RFPL2: variants seen among roughly 807,000 people sequenced by gnomAD.
RFPL2 encodes the protein ret finger protein-like 2.
In RFPL2, 13 loss-of-function variants were observed where a neutral mutation model predicts 17.8. The ratio of observed to expected loss-of-function variants is 0.73; its 90% CI spans 0.47 to 1.16. The LOEUF is 1.16. Ranked by LOEUF, RFPL2 falls within the 50% of genes most tolerant of loss-of-function variation. RFPL2 has a pLI of 0.00. For missense variants in RFPL2, 431 were observed against 479.3 expected (o/e 0.90, Z 0.94); for synonymous variants, 189 against 180.9 (o/e 1.04, Z -0.36).
intron 2 of RFPL2, among the ~76,000 whole-genome samples, chr22:32,198,493 G>A: frequency 6.6e-6 from 1 of 151,944 alleles, no homozygotes; most frequent in South Asian, 2.1e-4. Flanking sequence ...TGGGGAGGGG[G>A]GCGTAGGGGG....
In RFPL2 at chr22:32,194,363, C is replaced by T. The variant is rs191555811; in HGVS notation, c.247G>A (p.Gly83Arg). ...SAQWKQLEDR[G>R]ASSRRVDMAA... ...GGCTCACCTCTTCTGCTGGAAGCTC[C>T]TCTGTCCTCCAGCTGCTTCCACTGG... The change falls in exon 3 of 5, where the codon GGA becomes AGA. Residue 83 changes from glycine to arginine, a missense_variant. By Grantham distance (125) the Gly-to-Arg change is moderately radical. Transcript: ENST00000652607. 1.1e-5 allele frequency: 17 copies of T among 1,603,742 alleles called. No individual in the cohort carries two copies. The highest frequency in any genetic ancestry group is 3.4e-4 in the Middle Eastern group (2 of 5,906).
At chr22:32,193,900 C>T (rs921267953) in intron 3 of RFPL2, among the ~76,000 whole-genome samples, 17 of 146,838 alleles carry the variant, frequency 1.2e-4, no homozygotes, top group African/African-American at 4.3e-4. Flanking sequence ...GGGCTGGATG[C>T]AGTAGCTCAC....
intron 4 of RFPL2, 60 bp downstream of exon 4, chr22:32,192,842 G>A (rs1922827321): frequency 1.9e-6 from 3 of 1,540,798 alleles, no homozygotes; most frequent in East Asian, 2.3e-5. Context: ...GGGGCCAACT[G>A]CACAAATGAT....
At chr22:32,197,851 C>G (rs144802938) in intron 2 of RFPL2, among the ~76,000 whole-genome samples, 1 of 152,094 alleles carries the variant, frequency 6.6e-6, no homozygotes, top group African/African-American at 2.4e-5. Flanking sequence ...GATCACACTC[C>G]GGCTGCTACT....
intron 2 of RFPL2, among the ~76,000 whole-genome samples, chr22:32,195,327 T>G (rs904747827): frequency 3.7e-4 from 56 of 152,356 alleles, no homozygotes; most frequent in African/African-American, 1.3e-3. Flanking sequence ...TGGTTTACTT[T>G]TTTTTCCTCT....
At chr22:32,199,143 C>T (rs1275724710) in intron 2 of RFPL2, among the ~76,000 whole-genome samples, 1 of 152,136 alleles carries the variant, frequency 6.6e-6, no homozygotes, top group Non-Finnish European at 1.5e-5. Flanking sequence ...TCCAGGTTTC[C>T]GTGGGCTCCC....
intron 4 of RFPL2, among the ~76,000 whole-genome samples, chr22:32,192,227 A>G (rs1922737810): frequency 6.6e-6 from 1 of 152,214 alleles, no homozygotes; most frequent in Admixed American, 6.5e-5. Context: ...GCCCACCACC[A>G]TTTATAGGTG....
chr22:32,195,599 G>A (rs368492899), intron 2 of RFPL2, among the ~76,000 whole-genome samples: 75 of 152,016 alleles, frequency 4.9e-4, no homozygotes, highest in Middle Eastern at 3.4e-3. Flanking sequence ...GGGATTACAG[G>A]CATGTGCCAC....
Position 32,202,415 on chromosome 22 carries a change from C to G in RFPL2, c.37G>C (p.Val13Leu). The G allele has an allele frequency of 1.2e-6, 2 of 1,602,586 alleles. No homozygotes were observed. Among genetic ancestry groups the G allele is most frequent in the Non-Finnish European group, 1.7e-6 (2 of 1,174,646 alleles). Reference protein sequence around the residue: ...VAELGFPETAVSQSRICLCAV... With the variant: ...VAELGFPETALSQSRICLCAV... ...CATAGACAGATCCTGGATTGGGACA[C>G]TGCAGTCTCTGGGAAGCCTAATTCA... is the stretch of plus-strand genomic sequence containing the variant. Residue 13 changes from valine to leucine, a missense_variant, in exon 2 of 5, where the codon GTG becomes CTG. Transcript: ENST00000652607.
chr22:32,191,070 C>T lies in RFPL2; in HGVS notation c.839G>A (p.Ser280Asn). The T allele has an allele frequency of 6.2e-7, 1 of 1,613,976 alleles. No homozygotes were observed. Among genetic ancestry groups the T allele is most frequent in the Non-Finnish European group, 8.5e-7 (1 of 1,179,862 alleles). The change falls in exon 5 of 5, where the codon AGT becomes AAT. Residue 280 changes from serine to asparagine, a missense_variant. Transcript: ENST00000652607. ...AGAGAGGCGGCCTCCATCCCTCAAA[C>T]TCACAGTCCAGAATCCAAGCTCTGT... ...LTTELGFWTV[S>N]LRDGGRLSAT...
chr22:32,202,617 G>A (rs1453575461), intron 1 of RFPL2, 67 bp from the exon 2 acceptor site: 1 of 1,424,160 alleles, frequency 7.0e-7, no homozygotes. Flanking sequence ...GGTGGCAGGG[G>A]CCGGTTTCAG....
intron 2 of RFPL2, among the ~76,000 whole-genome samples, chr22:32,196,745 T>A (rs1368375248): frequency 1.3e-5 from 2 of 151,968 alleles, no homozygotes; most frequent in African/African-American, 4.8e-5. Flanking sequence ...GACAGCAAGA[T>A]AGATTTGCAG....
Position 32,191,368 on chromosome 22 carries a change from A to C in RFPL2, c.557-16T>G, listed in dbSNP as rs1308653048. The C allele has an allele frequency of 8.1e-6, 13 of 1,597,138 alleles. No homozygotes were observed. The highest frequency in any genetic ancestry group is 2.2e-5 in the South Asian group (2 of 89,372). On this transcript the variant is annotated splice_polypyrimidine_tract_variant and intron_variant, in intron 4 of 4. Transcript: ENST00000652607. Reference sequence around the variant, plus strand: ...GTCATATCCACTGTGAAAAGGAAAAAAAGTTGCTCAGCAAATGGACAGAAA... The same window carrying C: ...GTCATATCCACTGTGAAAAGGAAAACAAGTTGCTCAGCAAATGGACAGAAA...
At chr22:32,199,192 C>T (rs1923664997) in intron 2 of RFPL2, among the ~76,000 whole-genome samples, 1 of 151,928 alleles carries the variant, frequency 6.6e-6, no homozygotes, top group Non-Finnish European at 1.5e-5. Flanking sequence ...CTCAGGAAGC[C>T]CAGTCAGGAG....
intron 2 of RFPL2, among the ~76,000 whole-genome samples, chr22:32,199,025 C>T (rs1342670764): frequency 6.6e-6 from 1 of 152,158 alleles, no homozygotes; most frequent in Non-Finnish European, 1.5e-5. Context: ...GACCTGGAAC[C>T]CTTAAAGCCG....
intron 1 of RFPL2, among the ~76,000 whole-genome samples, chr22:32,203,752 C>G (rs1924223819): frequency 6.6e-6 from 1 of 151,234 alleles, no homozygotes. Context: ...CCAGGTAGCG[C>G]CCCCAATCCT....
At chr22:32,192,201 C>T (rs772762011) in intron 4 of RFPL2, among the ~76,000 whole-genome samples, 6 of 152,230 alleles carry the variant, frequency 3.9e-5, no homozygotes, top group Admixed American at 1.3e-4. Context: ...CTACCAGTGT[C>T]GGGGACATCA....
At position 32,190,702 on chromosome 22, in the gene RFPL2, T is replaced by C. The variant is rs1603197545; in HGVS notation, c.*70A>G. 2.1e-6 allele frequency: 3 copies of C among 1,428,780 alleles called. No individual in the cohort carries two copies. Among genetic ancestry groups the C allele is most frequent in the East Asian group, 4.6e-5 (2 of 43,042 alleles). 88.5% of individuals were successfully genotyped at this position (1,428,780 alleles called of 1,614,324 possible). On this transcript the variant is annotated 3_prime_UTR_variant, in exon 5 of 5. Coordinates refer to ENST00000652607, the MANE Select transcript of RFPL2 (RefSeq NM_001394555.1). ...GACTTTGTATAATGCTTTTACGAAGTAGAGCGTTCCTAAGTCTACCCACCC... is the reference window on the plus strand; with the variant it reads ...GACTTTGTATAATGCTTTTACGAAGCAGAGCGTTCCTAAGTCTACCCACCC...
chr22:32,202,765 C>G, intron 1 of RFPL2: 1 of 1,110,808 alleles, frequency 9.0e-7, no homozygotes, highest in South Asian at 3.1e-5. Flanking sequence ...TGCAGCCACC[C>G]TGGCTGCACT....
Sources: gnomAD v4.1 joint callset for allele counts (sites outside exome capture counted in the v4.1 genomes callset) on GRCh38, gnomAD v4.1.1 for gene constraint, MANE v1.5 for transcripts, NCBI Gene and HGNC (gene_info 2026-07-23, HGNC 2026-07-21) for gene names.